Variants in RAPGEF6 observed in about 807,000 individuals in gnomAD.
RAPGEF6 encodes Rap guanine nucleotide exchange factor 6, also known as PDZ domain containing guanine nucleotide exchange factor (GEF) 2.
A neutral mutation model predicts 171.4 loss-of-function variants in RAPGEF6; 56 were observed. That is an observed-to-expected ratio of 0.33 (90% CI 0.26 to 0.41). RAPGEF6 has a LOEUF of 0.41. RAPGEF6 is among the 10% of genes least tolerant of loss of function. The probability of loss-of-function intolerance (pLI) is 1.00; values close to 1 mark genes in which losing one functional copy is unlikely to be tolerated. For missense variants in RAPGEF6, 1,674 were observed against 1,921.4 expected (o/e 0.87, Z 2.41); for synonymous variants, 692 against 650.1 (o/e 1.06, Z -0.98).
intron 11 of RAPGEF6, among the ~76,000 whole-genome samples, chr5:131,499,581 CAAA>C (rs375534138): frequency 2.3e-5 from 2 of 87,548 alleles, no homozygotes; most frequent in African/African-American, 9.5e-5. Flanking sequence ...GACTTTGTCT[CAAA>C]AAAAAAAAAA....
intron 13 of RAPGEF6, among the ~76,000 whole-genome samples, chr5:131,493,598 C>T (rs1380561334): frequency 1.3e-5 from 2 of 152,140 alleles, no homozygotes; most frequent in Non-Finnish European, 2.9e-5. Flanking sequence ...TAATAGTCTA[C>T]CAGTTCTAAT....
intron 14 of RAPGEF6, among the ~76,000 whole-genome samples, chr5:131,492,199 T>C (rs964980844): frequency 1.3e-5 from 2 of 152,090 alleles, no homozygotes; most frequent in Non-Finnish European, 2.9e-5. Context: ...CATTTGAGAG[T>C]ACTATGAGGT....
Position 131,521,465 on chromosome 5 carries a change from A to C in RAPGEF6, c.552T>G (p.Thr184=). The change falls in exon 7 of 28, where the codon ACT becomes ACG. Residue 184 remains threonine (T), a synonymous_variant. Coordinates refer to ENST00000509018, the MANE Select transcript of RAPGEF6 (RefSeq NM_016340.6). ...AACCAGACTGACTAGAAGACACATG[A>C]GTCACCTGTGGATGAGGGTTTTCTG... ...HLTENPHPQV[T]HVSSSQSGCS... 6.2e-7 allele frequency: 1 copy of C among 1,612,728 alleles called. No homozygotes were observed. The highest frequency in any genetic ancestry group is 8.5e-7 in the Non-Finnish European group (1 of 1,179,136).
At chr5:131,436,463 T>A in intron 24 of RAPGEF6, 1 of 1,245,372 alleles carries the variant, frequency 8.0e-7, no homozygotes, top group Non-Finnish European at 1.1e-6. Context: ...TTAAAAATTC[T>A]AACATCTTGA....
At chr5:131,481,173 C>T (rs913893200) in intron 15 of RAPGEF6, among the ~76,000 whole-genome samples, 1 of 151,904 alleles carries the variant, frequency 6.6e-6, no homozygotes, top group African/African-American at 2.4e-5. Flanking sequence ...GATCCACCTG[C>T]CTCGGCCTCC....
At chr5:131,458,820 A>AT (rs1753704290) in intron 19 of RAPGEF6, among the ~76,000 whole-genome samples, 1 of 151,978 alleles carries the variant, frequency 6.6e-6, no homozygotes, top group Non-Finnish European at 1.5e-5. Context: ...TACCTGGCTA[A>AT]TTTTTTTGTA....
At chr5:131,613,765 G>A (rs1300765074) in intron 1 of RAPGEF6, among the ~76,000 whole-genome samples, 3 of 152,148 alleles carry the variant, frequency 2.0e-5, no homozygotes, top group East Asian at 1.9e-4. Context: ...TTTCAGTGGA[G>A]TTCTGTCTCC....
chr5:131,558,921 G>A (rs563174214), intron 5 of RAPGEF6, among the ~76,000 whole-genome samples: 28 of 152,242 alleles, frequency 1.8e-4, no homozygotes, highest in Non-Finnish European at 3.4e-4. Flanking sequence ...TTGTTGATAA[G>A]TGTAGTGTTC....
intron 16 of RAPGEF6, among the ~76,000 whole-genome samples, chr5:131,474,310 T>G (rs187321847): frequency 1.1e-3 from 170 of 152,124 alleles, no homozygotes; most frequent in African/African-American, 4.1e-3. Context: ...CTAAAAATAC[T>G]AAAATTAGCC....
chr5:131,526,912 C>G (rs1758903019), intron 6 of RAPGEF6, among the ~76,000 whole-genome samples: 1 of 151,942 alleles, frequency 6.6e-6, no homozygotes. Context: ...TATGAAGTTA[C>G]AAAGTCTGCT....
intron 14 of RAPGEF6, among the ~76,000 whole-genome samples, chr5:131,490,475 T>C (rs1756207829): frequency 6.6e-6 from 1 of 152,138 alleles, no homozygotes; most frequent in South Asian, 2.1e-4. Context: ...AAGAGATCTA[T>C]TTTTAAAAAC....
intron 1 of RAPGEF6, among the ~76,000 whole-genome samples, chr5:131,628,841 G>A (rs1234662050): frequency 3.3e-5 from 5 of 152,162 alleles, no homozygotes; most frequent in East Asian, 1.9e-4. Flanking sequence ...ATGACAGCAC[G>A]TTTGTTTACA....
chr5:131,466,870 C>T (rs1026445318), intron 17 of RAPGEF6, among the ~76,000 whole-genome samples: 2 of 152,142 alleles, frequency 1.3e-5, no homozygotes, highest in African/African-American at 2.4e-5. Context: ...GAGAAATATA[C>T]TGAACAAATG....
chr5:131,498,002 T>C (rs564368530), intron 12 of RAPGEF6, among the ~76,000 whole-genome samples: 12 of 152,332 alleles, frequency 7.9e-5, no homozygotes, highest in Middle Eastern at 3.4e-3. Flanking sequence ...TTTCAAATGA[T>C]TGTGAAGTCT....
chr5:131,476,116 T>C (rs1755073936), intron 16 of RAPGEF6, among the ~76,000 whole-genome samples: 1 of 152,242 alleles, frequency 6.6e-6, no homozygotes, highest in African/African-American at 2.4e-5. Flanking sequence ...TTTGATATTT[T>C]TCCTTCTAGT....
intron 4 of RAPGEF6, among the ~76,000 whole-genome samples, chr5:131,590,959 C>T (rs1763551968): frequency 6.6e-6 from 1 of 151,996 alleles, no homozygotes; most frequent in Non-Finnish European, 1.5e-5. Context: ...TTCACAAATA[C>T]AGGGAAAAGG....
intron 9 of RAPGEF6, 51 bp from the exon 10 acceptor site, chr5:131,505,573 A>C: frequency 6.7e-7 from 1 of 1,498,364 alleles, no homozygotes; most frequent in Non-Finnish European, 9.1e-7. Flanking sequence ...AGGTAGTTAC[A>C]TGTTAACTTT....
At position 131,510,473 on chromosome 5, in the gene RAPGEF6, C is replaced by T; in HGVS notation, c.646G>A (p.Gly216Arg). 1 of 1,613,770 alleles carries T rather than the reference C, an allele frequency of 6.2e-7. No homozygotes were observed. The highest frequency in any genetic ancestry group is 8.5e-7 in the Non-Finnish European group (1 of 1,179,924). ...DIYQATESEV[G>R]DVDLTRLPEG... ...GGAAGACGTGTCAAATCTACATCTC[C>T]TACCTCACTCTCCGTAGCCTATGAA... Residue 216 changes from glycine to arginine, a missense_variant, in exon 8 of 28, where the codon GGA (glycine) becomes AGA (arginine). Gly to Arg is a moderately radical substitution (Grantham distance 125). This residue lies in a region of RAPGEF6 where 1,116 missense variants were observed against 1,321.5 expected (regional missense o/e 0.84). Transcript: ENST00000509018.
chr5:131,592,061 G>T (rs992858206), intron 4 of RAPGEF6, among the ~76,000 whole-genome samples: 5 of 152,040 alleles, frequency 3.3e-5, no homozygotes, highest in African/African-American at 1.2e-4. Context: ...TCTCCACATT[G>T]GTCAGACTAG....
Sources: gnomAD v4.1 joint callset for allele counts (sites outside exome capture counted in the v4.1 genomes callset) on GRCh38, gnomAD v4.1.1 for gene constraint, gnomAD v4.1.1 regional missense constraint, MANE v1.5 for transcripts, NCBI Gene and HGNC (gene_info 2026-07-23, HGNC 2026-07-21) for gene names.